Variants in RALGPS1 observed in about 807,000 individuals in gnomAD.
RALGPS1 encodes the protein Ral GEF with PH domain and SH3 binding motif 1.
In RALGPS1, 19 loss-of-function variants were observed where a neutral mutation model predicts 78.8. The observed-to-expected ratio is 0.24, with a 90% CI of 0.17 to 0.35. The LOEUF (loss-of-function observed/expected upper bound fraction) is 0.35, where lower values mean the gene tolerates loss of function less well. Among genes scored for constraint, RALGPS1 ranks in the 10% least tolerant of loss-of-function variants. The pLI is 1.00. For missense variants in RALGPS1, 454 were observed against 688.3 expected (o/e 0.66, Z 3.81); for synonymous variants, 228 against 256.3 (o/e 0.89, Z 1.06).
At chr9:127,213,144 G>T in intron 17 of RALGPS1, 95 bp downstream of exon 17, 1 of 1,538,134 alleles carries the variant, frequency 6.5e-7, no homozygotes, top group Non-Finnish European at 8.7e-7. Flanking sequence ...AGCTTTTGAG[G>T]CTGCTGCCTT....
At chr9:127,151,768 T>G (rs1035126836) in intron 8 of RALGPS1, among the ~76,000 whole-genome samples, 5 of 152,174 alleles carry the variant, frequency 3.3e-5, no homozygotes, top group African/African-American at 1.2e-4. Flanking sequence ...GATAGATAGA[T>G]CTCTTTCCTG....
intron 17 of RALGPS1, among the ~76,000 whole-genome samples, 170 bp from the exon 18 acceptor site, chr9:127,214,581 A>T (rs1236584912): frequency 6.6e-6 from 1 of 152,214 alleles, no homozygotes; most frequent in Non-Finnish European, 1.5e-5. Context: ...GCCATGGTCC[A>T]AAGAGACCAC....
At chr9:127,175,635 C>G (rs1300416578) in intron 11 of RALGPS1, among the ~76,000 whole-genome samples, 1 of 150,298 alleles carries the variant, frequency 6.7e-6, no homozygotes, top group East Asian at 1.9e-4. Flanking sequence ...GGGTTCTAGG[C>G]CACTGCAGTC....
chr9:127,145,275 C>T (rs527571747), intron 8 of RALGPS1, among the ~76,000 whole-genome samples: 2 of 152,090 alleles, frequency 1.3e-5, no homozygotes, highest in African/African-American at 4.8e-5. Context: ...AGTGGCCCTC[C>T]GAGGGAGGTG....
chr9:127,110,210 C>T (rs905799105), intron 8 of RALGPS1, among the ~76,000 whole-genome samples: 55 of 152,300 alleles, frequency 3.6e-4, no homozygotes, highest in African/African-American at 1.3e-3. Flanking sequence ...CCCCTTCATT[C>T]TAGGTTGCCC....
intron 7 of RALGPS1, 126 bp from the exon 8 acceptor site, chr9:127,069,104 C>A: frequency 2.1e-6 from 2 of 930,356 alleles, no homozygotes; most frequent in Non-Finnish European, 3.2e-6. Flanking sequence ...ATCCTTAGTT[C>A]TGTCCAGGAT....
chr9:127,069,179 C>G, intron 7 of RALGPS1, 51 bp from the exon 8 acceptor site: 1 of 1,531,620 alleles, frequency 6.5e-7, no homozygotes, highest in South Asian at 1.2e-5. Flanking sequence ...GTTATCCACT[C>G]TTTAGCTTCT....
chr9:127,081,877 C>T (rs754979547), intron 8 of RALGPS1, among the ~76,000 whole-genome samples: 8 of 152,252 alleles, frequency 5.3e-5, no homozygotes, highest in Non-Finnish European at 1.0e-4. Context: ...CATGTGGCAG[C>T]GCTGTGGGAA....
intron 7 of RALGPS1, 23 bp downstream of exon 7, chr9:127,052,962 A>G (rs374751870): frequency 1.5e-4 from 221 of 1,487,764 alleles, no homozygotes; most frequent in African/African-American, 1.9e-4. Flanking sequence ...CCCTAAGTCT[A>G]TCTAATTTTG....
chr9:127,212,296 C>T lies in RALGPS1; in HGVS notation c.1353+60C>T. The T allele has an allele frequency of 7.5e-7, 1 of 1,331,852 alleles. No homozygotes were observed. Among genetic ancestry groups the T allele is most frequent in the Non-Finnish European group, 1.0e-6 (1 of 953,126 alleles). The allele number at this position is 1,331,852 out of a possible 1,614,324, so 82.5% of individuals were successfully genotyped here. ...GGCTTCCACATCTGTAAATAGTGCCCACTCCTAGAGGTCTCAGCAAAAGTC... is the reference window on the plus strand; with the variant it reads ...GGCTTCCACATCTGTAAATAGTGCCTACTCCTAGAGGTCTCAGCAAAAGTC... On this transcript the variant is annotated intron_variant, in intron 15 of 18. Coordinates refer to ENST00000259351, the MANE Select transcript of RALGPS1 (RefSeq NM_014636.3). The surrounding 1 kb of genome is among the most constrained non-coding windows in gnomAD (Gnocchi z 6.0).
intron 4 of RALGPS1, among the ~76,000 whole-genome samples, chr9:126,978,745 G>A (rs1185144433): frequency 4.6e-5 from 7 of 152,082 alleles, no homozygotes; most frequent in Admixed American, 2.6e-4. Context: ...TTCCTGCTCC[G>A]CTTTTACCTC....
chr9:127,001,236 A>G (rs867572131), intron 4 of RALGPS1, among the ~76,000 whole-genome samples: 2 of 151,534 alleles, frequency 1.3e-5, no homozygotes, highest in Admixed American at 1.3e-4. Context: ...GTAGTGAGCC[A>G]TGATTGTGCC....
intron 1 of RALGPS1, among the ~76,000 whole-genome samples, chr9:126,941,138 C>CG (rs1042776985): frequency 8.6e-5 from 13 of 151,212 alleles, no homozygotes; most frequent in African/African-American, 3.2e-4. Context: ...ACGCCCCCCC[C>CG]CTTTAAAATT....
chr9:127,032,689 A>G (rs984123667), intron 4 of RALGPS1, among the ~76,000 whole-genome samples: 3 of 152,222 alleles, frequency 2.0e-5, no homozygotes, highest in Admixed American at 1.3e-4. Context: ...GGTCAAACAT[A>G]CATTTGAAAC....
In RALGPS1 at chr9:127,119,072, GAC is replaced by G. The variant is rs141065449; in HGVS notation, c.611-46995_611-46994del. Among the ~76,000 whole-genome samples the G allele has an allele frequency of 8.1e-3, 1,232 of 152,282 alleles. 14 individuals carry two copies. Among genetic ancestry groups the G allele is most frequent in the African/African-American group, 0.029 (1,196 of 41,548 alleles). On this transcript the variant is annotated intron_variant, in intron 8 of 18. Transcript: ENST00000259351. ...GAGGCTCTGCCCCCACTGAGCTGGG[GAC>G]AGAGTTTCCTGGTGCTGATGTGGTG...
At chr9:126,962,171 G>C in intron 1 of RALGPS1, 54 bp from the exon 2 acceptor site, 9 of 939,362 alleles carry the variant, frequency 9.6e-6, no homozygotes, top group Non-Finnish European at 1.5e-5. Context: ...TTGCCTGGGG[G>C]TGGGGATAAA....
chr9:127,008,973 T>A (rs2044105869), intron 4 of RALGPS1, among the ~76,000 whole-genome samples: 1 of 152,246 alleles, frequency 6.6e-6, no homozygotes. Flanking sequence ...CCCAATTCTA[T>A]GGCTTTAGAA....
At chr9:127,199,635 G>T (rs1288031931) in intron 14 of RALGPS1, among the ~76,000 whole-genome samples, 6 of 129,034 alleles carry the variant, frequency 4.6e-5, no homozygotes, top group Non-Finnish European at 3.4e-5. Context: ...CCCTGGGAGA[G>T]CCTGTCTGCC....
rs1174434563 is a variant in RALGPS1 at position 126,982,901 on chromosome 9, TTTCTTCTTC to T, written c.216+5177_216+5185del. Reference sequence around the variant, plus strand: ...CTTCCCCTTCCCCTTCTTCTCTTCTTTTCTTCTTCTTCTTCTTCTTCTTCTTCTTTTTTT... The same window carrying T: ...CTTCCCCTTCCCCTTCTTCTCTTCTTTTCTTCTTCTTCTTCTTCTTTTTTT... On this transcript the variant is annotated intron_variant, in intron 4 of 18. Transcript: ENST00000259351. Among the ~76,000 whole-genome samples, 532 of 102,628 alleles carry T rather than the reference TTTCTTCTTC, an allele frequency of 5.2e-3. 4 individuals carry two copies. Among genetic ancestry groups the T allele is most frequent in the Middle Eastern group, 0.019 (3 of 162 alleles). The allele number at this position is 102,628 out of a possible 152,430, so 67.3% of individuals were successfully genotyped here. A position where few individuals can be genotyped will look rare whatever the true frequency, so the allele number is the denominator to read the frequency against.
Sources: gnomAD v4.1 joint callset for allele counts (sites outside exome capture counted in the v4.1 genomes callset) on GRCh38, gnomAD v4.1.1 for gene constraint, Gnocchi (gnomAD v3.1) non-coding constraint, MANE v1.5 for transcripts, NCBI Gene and HGNC (gene_info 2026-07-23, HGNC 2026-07-21) for gene names.